The following PDGFRL variants were observed in gnomAD, a reference collection of about 807,000 sequenced individuals.
PDGFRL encodes platelet-derived growth factor receptor-like protein.
Under a neutral mutation model 37.2 loss-of-function variants are expected in PDGFRL, and 46 were observed. The ratio of observed to expected loss-of-function variants is 1.24; its 90% CI spans 0.98 to 1.58. PDGFRL has a LOEUF of 1.58. Ranked by LOEUF, PDGFRL falls within the 40% of genes most tolerant of loss-of-function variation. The pLI is 0.00. For synonymous variants in PDGFRL, 251 were observed against 184.3 expected, an observed-to-expected ratio of 1.36 and a Z score of -2.93; for missense variants, 692 against 467.6, an observed-to-expected ratio of 1.48 and a Z score of -4.43.
intron 2 of PDGFRL, among the ~76,000 whole-genome samples, chr8:17,594,119 A>AT (rs137932585): frequency 0.19 from 28,240 of 148,958 alleles, 3,380 homozygotes; most frequent in Non-Finnish European, 0.28. Flanking sequence ...CATGCAGCGT[A>AT]TTTGTTTTTT....
chr8:17,637,845 C>G lies in PDGFRL; in HGVS notation c.939+3632C>G, dbSNP rs182941880. Among the ~76,000 whole-genome samples the G allele has an allele frequency of 1.7e-4, 26 of 152,102 alleles. No homozygotes were observed. The East Asian group carries it at 2.5e-3, about 15-fold the overall frequency. On this transcript the variant is annotated intron_variant, in intron 5 of 5. Coordinates refer to ENST00000251630, the MANE Select transcript of PDGFRL (RefSeq NM_001372073.1). ...TATCCATCTCTTCTAGGTTTTCTAG[C>G]TTGAGTATGTAAAGCTGTTCACAGT...
chr8:17,628,197 T>C (rs1295060530), intron 3 of PDGFRL, among the ~76,000 whole-genome samples: 1 of 151,494 alleles, frequency 6.6e-6, no homozygotes, highest in East Asian at 2.0e-4. Context: ...GGTTTCACCG[T>C]GTTAGCCAGG....
intron 2 of PDGFRL, among the ~76,000 whole-genome samples, chr8:17,591,750 C>G (rs112676929): frequency 0.021 from 3,143 of 152,190 alleles, 109 homozygotes; most frequent in African/African-American, 0.071. Flanking sequence ...AACCCCATCT[C>G]TACTAACAAT....
At chr8:17,636,420 G>GT (rs1457650804) in intron 5 of PDGFRL, among the ~76,000 whole-genome samples, 2 of 151,810 alleles carry the variant, frequency 1.3e-5, no homozygotes, top group African/African-American at 4.8e-5. Context: ...AAAGATCAGT[G>GT]TAAGTATTTG....
At chr8:17,591,744 C>A (rs1036834571) in intron 2 of PDGFRL, among the ~76,000 whole-genome samples, 1 of 152,050 alleles carries the variant, frequency 6.6e-6, no homozygotes, top group East Asian at 1.9e-4. Context: ...TTGTGAAACC[C>A]CATCTCTACT....
chr8:17,614,203 C>A lies in PDGFRL; in HGVS notation c.354-6848C>A, dbSNP rs1372899312. Reference sequence around the variant, plus strand: ...AGCTATTCCAGCCTAATTTCTGATACAAGAACTATATTCACTTTGAAGTCC... The same window carrying A: ...AGCTATTCCAGCCTAATTTCTGATAAAAGAACTATATTCACTTTGAAGTCC... On this transcript the variant is annotated intron_variant, in intron 2 of 5. Transcript: ENST00000251630. Among the ~76,000 whole-genome samples, 4 of 152,182 alleles carry A rather than the reference C, an allele frequency of 2.6e-5. No individual in the cohort carries two copies. In the South Asian group the frequency reaches 8.3e-4, roughly 31 times the overall value.
At chr8:17,617,303 T>A (rs911100745) in intron 2 of PDGFRL, among the ~76,000 whole-genome samples, 1 of 146,576 alleles carries the variant, frequency 6.8e-6, no homozygotes, top group African/African-American at 2.8e-5. Flanking sequence ...GAATTCTGCT[T>A]CTCTTAGGAC....
At chr8:17,593,360 G>C (rs1234710730) in intron 2 of PDGFRL, among the ~76,000 whole-genome samples, 2 of 151,990 alleles carry the variant, frequency 1.3e-5, no homozygotes, top group Non-Finnish European at 2.9e-5. Flanking sequence ...GGGAGGCCAA[G>C]GTGGGCGGAT....
At chr8:17,609,493 C>T (rs1304505751) in intron 2 of PDGFRL, among the ~76,000 whole-genome samples, 1 of 150,644 alleles carries the variant, frequency 6.6e-6, no homozygotes, top group South Asian at 2.1e-4. Flanking sequence ...AAAAAATTAC[C>T]TGGGTGTGGT....
intron 2 of PDGFRL, among the ~76,000 whole-genome samples, chr8:17,597,576 T>A (rs1483792488): frequency 6.6e-6 from 1 of 152,008 alleles, no homozygotes; most frequent in African/African-American, 2.4e-5. Context: ...GTGCTGGGAA[T>A]GTCACAGTTG....
intron 2 of PDGFRL, among the ~76,000 whole-genome samples, chr8:17,620,264 C>G (rs1804604513): frequency 6.6e-6 from 1 of 151,948 alleles, no homozygotes; most frequent in Non-Finnish European, 1.5e-5. Context: ...CAAACACATT[C>G]TTTTTTTTGA....
chr8:17,600,086 G>A (rs1804135741), intron 2 of PDGFRL, among the ~76,000 whole-genome samples: 1 of 152,140 alleles, frequency 6.6e-6, no homozygotes, highest in Admixed American at 6.5e-5. Flanking sequence ...TTCCCTGGGA[G>A]GAGTCTCTGT....
intron 2 of PDGFRL, among the ~76,000 whole-genome samples, chr8:17,608,576 G>T (rs1804335542): frequency 6.6e-6 from 1 of 152,316 alleles, no homozygotes. Context: ...ACAGCCTTCA[G>T]TTCAGTGTTG....
intron 2 of PDGFRL, among the ~76,000 whole-genome samples, chr8:17,593,713 A>G (rs113202541): frequency 0.86 from 129,879 of 151,564 alleles, 57,602 homozygotes; most frequent in Non-Finnish European, 0.97. Context: ...TGACCAACAC[A>G]GCGAAACCCC....
In PDGFRL at chr8:17,621,128, G is replaced by A. The variant is rs532396675; in HGVS notation, c.431G>A (p.Trp144Ter). 1.2e-6 allele frequency: 2 copies of A among 1,610,420 alleles called. No homozygotes were observed. Among genetic ancestry groups the A allele is most frequent in the African/African-American group, 2.7e-5 (2 of 74,918 alleles). Residue 144 changes from tryptophan to a stop codon, truncating the protein, a stop_gained, in exon 3 of 6, where the codon TGG becomes TAG. Coordinates refer to ENST00000251630, the MANE Select transcript of PDGFRL (RefSeq NM_001372073.1). LOFTEE classifies it high-confidence loss of function. ...TSADTGEFSC[W>*]VQLCSGYICR... ...GCAGACACAGGTGAATTCAGCTGCT[G>A]GGTGCAGCTCTGCAGCGGCTACATC... is the stretch of plus-strand genomic sequence containing the variant.
At chr8:17,631,045 C>A (rs1439540340) in intron 4 of PDGFRL, among the ~76,000 whole-genome samples, 1 of 152,088 alleles carries the variant, frequency 6.6e-6, no homozygotes, top group African/African-American at 2.4e-5. Flanking sequence ...CTTTACTTCT[C>A]GAAGTCCCCC....
chr8:17,611,639 G>A lies in PDGFRL; in HGVS notation c.354-9412G>A, dbSNP rs576310132. Among the ~76,000 whole-genome samples the A allele has an allele frequency of 2.6e-4, 40 of 152,256 alleles. No homozygotes were observed. In the South Asian group the frequency reaches 6.4e-3, roughly 24 times the overall value. ...GAGGAGCTAGATGGCTAAAGACACC[G>A]GGTTACTCAGCTTAAGGGCTGGGAG... On this transcript the variant is annotated intron_variant, in intron 2 of 5. Transcript: ENST00000251630.
intron 3 of PDGFRL, among the ~76,000 whole-genome samples, chr8:17,625,011 T>G (rs1804705101): frequency 6.6e-6 from 1 of 152,086 alleles, no homozygotes; most frequent in South Asian, 2.1e-4. Context: ...TTATTATACT[T>G]TAAGTTTTAG....
In PDGFRL at chr8:17,580,957, ACG is replaced by A. The variant is rs1491151657; in HGVS notation, c.55+3651_55+3652del. Among the ~76,000 whole-genome samples, 3 of 60,820 alleles carry A rather than the reference ACG, an allele frequency of 4.9e-5. No individual in the cohort carries two copies. In the Admixed American group the frequency reaches 8.0e-4, roughly 16 times the overall value. 39.9% of individuals were successfully genotyped at this position (60,820 alleles called of 152,430 possible). Reference sequence around the variant, plus strand: ...GTCTGTCTTTACATGGCATTTTCATACGTGTGTGTGTGTGTGTCTCCTCATAA... The same window carrying A: ...GTCTGTCTTTACATGGCATTTTCATATGTGTGTGTGTGTGTCTCCTCATAA... On this transcript the variant is annotated intron_variant, in intron 1 of 5. Transcript: ENST00000251630.
Sources: gnomAD v4.1 joint callset for allele counts (sites outside exome capture counted in the v4.1 genomes callset) on GRCh38, gnomAD v4.1.1 for gene constraint, MANE v1.5 for transcripts, NCBI Gene and HGNC (gene_info 2026-07-23, HGNC 2026-07-21) for gene names.